FBN2: variants seen among roughly 807,000 people sequenced by gnomAD.
FBN2 encodes fibrillin 2, also known as fibrillin-2.
Under a neutral mutation model 355.6 loss-of-function variants are expected in FBN2, and 105 were observed. That is an observed-to-expected ratio of 0.30 (90% CI 0.25 to 0.35). The LOEUF is 0.35. FBN2 is among the 10% of genes least tolerant of loss of function. The pLI is 1.00. For synonymous variants in FBN2, 1,350 were observed against 1,301.2 expected, an observed-to-expected ratio of 1.04 and a Z score of -0.81; for missense variants, 3,280 against 3,758.7, an observed-to-expected ratio of 0.87 and a Z score of 3.33.
At chr5:128,358,609 C>A (rs1189432654) in intron 19 of FBN2, among the ~76,000 whole-genome samples, 3 of 151,996 alleles carry the variant, frequency 2.0e-5, no homozygotes, top group African/African-American at 7.2e-5. Flanking sequence ...ATTGTTTATA[C>A]TGAGAAAACC....
intron 8 of FBN2, among the ~76,000 whole-genome samples, chr5:128,397,520 T>G (rs1157007874): frequency 6.6e-6 from 1 of 152,200 alleles, no homozygotes; most frequent in Non-Finnish European, 1.5e-5. Flanking sequence ...TGTTCGATTT[T>G]CAACCGTATT....
chr5:128,493,917 T>C (rs1385218393), intron 5 of FBN2, among the ~76,000 whole-genome samples: 2 of 152,180 alleles, frequency 1.3e-5, no homozygotes, highest in Non-Finnish European at 2.9e-5. Context: ...TAAATGCTAA[T>C]GACCCTATCT....
chr5:128,535,817 CAA>C (rs10676699), intron 2 of FBN2, among the ~76,000 whole-genome samples: 7 of 118,396 alleles, frequency 5.9e-5, no homozygotes, highest in Non-Finnish European at 9.3e-5. Flanking sequence ...TTCCAAAAAG[CAA>C]AAAAAAAAAA....
At chr5:128,438,005 A>G (rs1301317378) in intron 7 of FBN2, among the ~76,000 whole-genome samples, 1 of 152,146 alleles carries the variant, frequency 6.6e-6, no homozygotes, top group African/African-American at 2.4e-5. Context: ...ACTTAACAAC[A>G]TCTCTTTTCT....
intron 16 of FBN2, among the ~76,000 whole-genome samples, chr5:128,368,636 C>G (rs1751848528): frequency 6.6e-6 from 1 of 151,766 alleles, no homozygotes; most frequent in South Asian, 2.1e-4. Flanking sequence ...AAAAAACCCT[C>G]TTATAATAAT....
intron 39 of FBN2, 128 bp from the exon 40 acceptor site, chr5:128,310,236 A>T (rs1749996850): frequency 7.8e-6 from 6 of 764,924 alleles, no homozygotes; most frequent in Non-Finnish European, 1.3e-5. Flanking sequence ...AGAAATAAAG[A>T]AAATATCCCA....
At chr5:128,487,507 T>C (rs759968555) in intron 5 of FBN2, among the ~76,000 whole-genome samples, 64 of 152,182 alleles carry the variant, frequency 4.2e-4, no homozygotes, top group Non-Finnish European at 7.3e-4. Flanking sequence ...TCTGTTTTCT[T>C]TGGGCACTTA....
At position 128,350,004 on chromosome 5, in the gene FBN2, A is replaced by C. The variant is rs183336575; in HGVS notation, c.2814T>G (p.Asp938Glu). Residue 938 changes from aspartate (D) to glutamate (E), a missense_variant and splice_region_variant, in exon 22 of 65, where the codon GAT becomes GAG. Asp to Glu is a conservative substitution (Grantham distance 45). This residue lies in a region of FBN2 where 2,284 missense variants were observed against 2,749.5 expected (regional missense o/e 0.83). Transcript: ENST00000262464. ...TGGCAAGCCCTCTTGGGCAAGCTGT[A>C]TCTGTAACAACAACAGGACAAATTT... ...WGSPCERCEL[D>E]TACPRGLARI... 1.2e-6 allele frequency: 2 copies of C among 1,613,428 alleles called. No homozygotes were observed. Among genetic ancestry groups the C allele is most frequent in the African/African-American group, 2.7e-5 (2 of 75,054 alleles).
At chr5:128,290,682 A>G in intron 50 of FBN2, 50 bp downstream of exon 50, 1 of 1,587,050 alleles carries the variant, frequency 6.3e-7, no homozygotes, top group East Asian at 2.2e-5. Context: ...TCTGGCAAAC[A>G]TTCAAAAACT....
At chr5:128,337,892 T>C in intron 27 of FBN2, 105 bp downstream of exon 27, 5 of 1,257,156 alleles carry the variant, frequency 4.0e-6, no homozygotes, top group Non-Finnish European at 5.8e-6. Context: ...CACCTTTTAA[T>C]AAGCTAGATT....
chr5:128,339,842 A>C (rs1162810559), intron 25 of FBN2, among the ~76,000 whole-genome samples: 2 of 152,084 alleles, frequency 1.3e-5, no homozygotes, highest in African/African-American at 4.8e-5. Context: ...CGACGGACCA[A>C]CCCTGAGCCA....
chr5:128,328,469 C>T, intron 34 of FBN2: 1 of 621,894 alleles, frequency 1.6e-6, no homozygotes, highest in South Asian at 1.9e-5. Flanking sequence ...AAAGAATGAT[C>T]CAAACTTCCA....
intron 19 of FBN2, among the ~76,000 whole-genome samples, chr5:128,357,831 T>C (rs539831251): frequency 6.6e-6 from 1 of 152,258 alleles, no homozygotes; most frequent in South Asian, 2.1e-4. Flanking sequence ...AATTCCAAGC[T>C]CTTGGGTATG....
At chr5:128,445,684 AATTT>A (rs1175533572) in intron 7 of FBN2, among the ~76,000 whole-genome samples, 1 of 152,178 alleles carries the variant, frequency 6.6e-6, no homozygotes, top group Admixed American at 6.5e-5. Context: ...AGATGAAATA[AATTT>A]ATTTAAGTAA....
At position 128,288,415 on chromosome 5, in the gene FBN2, T is replaced by C. The variant is rs187827079; in HGVS notation, c.6757+23A>G. The stretch of plus-strand genomic sequence containing the variant: ...CACTTTCTATGTCAAGAAGAAATAA[T>C]ATTTAAGACAAAGATCACTTGCCTT... On this transcript the variant is annotated intron_variant, in intron 53 of 64. Transcript: ENST00000262464. 30 of 1,612,858 alleles carry C rather than the reference T, an allele frequency of 1.9e-5. No individual in the cohort carries two copies. In the East Asian group the frequency reaches 5.8e-4, roughly 31 times the overall value.
chr5:128,315,108 T>G (rs1037831981), intron 36 of FBN2, among the ~76,000 whole-genome samples: 1 of 152,168 alleles, frequency 6.6e-6, no homozygotes, highest in African/African-American at 2.4e-5. Context: ...TAGTCATCAT[T>G]TACCAACTAC....
At chr5:128,283,633 C>T (rs1749047919) in intron 55 of FBN2, among the ~76,000 whole-genome samples, 1 of 152,190 alleles carries the variant, frequency 6.6e-6, no homozygotes, top group Non-Finnish European at 1.5e-5. Flanking sequence ...TTGGTGTTCT[C>T]AGTCAATCCC....
chr5:128,523,136 G>C (rs1487609373), intron 4 of FBN2, among the ~76,000 whole-genome samples: 2 of 152,140 alleles, frequency 1.3e-5, no homozygotes, highest in East Asian at 3.8e-4. Flanking sequence ...ACTCAGCAGA[G>C]GCGCAGACAC....
At position 128,310,014 on chromosome 5, in the gene FBN2, G is replaced by A. The variant is rs1749989847; in HGVS notation, c.5169C>T (p.Tyr1723=). Residue 1723 remains tyrosine, a synonymous_variant, in exon 40 of 65, where the codon TAC becomes TAT. Transcript: ENST00000262464. The stretch of plus-strand genomic sequence containing the variant: ...AGTTGTGGCCTCCATTGACCTGCAT[G>A]TACTCAGGTGGGCAAATGCAGGTGT... ...GNYTCICPPE[Y]MQVNGGHNCM... The A allele has an allele frequency of 6.2e-7, 1 of 1,613,690 alleles. No homozygotes were observed. The highest frequency in any genetic ancestry group is 1.3e-5 in the African/African-American group (1 of 74,972).
Sources: gnomAD v4.1 joint callset for allele counts (sites outside exome capture counted in the v4.1 genomes callset) on GRCh38, gnomAD v4.1.1 for gene constraint, gnomAD v4.1.1 regional missense constraint, MANE v1.5 for transcripts, NCBI Gene and HGNC (gene_info 2026-07-23, HGNC 2026-07-21) for gene names.